The following GNG12 variants were observed in gnomAD, a reference collection of about 807,000 sequenced individuals.
The protein encoded by GNG12 is G protein subunit gamma 12.
For missense variants in GNG12, 69 were observed against 83.8 expected, an observed-to-expected ratio of 0.82 and a Z score of 0.69; for synonymous variants, 28 against 29.7, an observed-to-expected ratio of 0.94 and a Z score of 0.19.
At chr1:67,771,468 C>A (rs528674507) in intron 2 of GNG12, among the ~76,000 whole-genome samples, 1 of 152,346 alleles carries the variant, frequency 6.6e-6, no homozygotes, top group South Asian at 2.1e-4. Context: ...CTTGTATTGT[C>A]CCGGATGAGT....
intron 1 of GNG12, among the ~76,000 whole-genome samples, chr1:67,807,411 C>A (rs1171824346): frequency 6.9e-6 from 1 of 145,878 alleles, no homozygotes; most frequent in Non-Finnish European, 1.5e-5. Context: ...TAAGCATGGG[C>A]AAAGATTAAT....
At chr1:67,816,279 C>A (rs181343334) in intron 1 of GNG12, among the ~76,000 whole-genome samples, 2 of 152,116 alleles carry the variant, frequency 1.3e-5, no homozygotes, top group East Asian at 3.9e-4. Flanking sequence ...TACAGCCGAC[C>A]GTAGTAACTG....
chr1:67,811,441 C>A (rs1646925364), intron 1 of GNG12, among the ~76,000 whole-genome samples: 1 of 152,140 alleles, frequency 6.6e-6, no homozygotes, highest in African/African-American at 2.4e-5. Flanking sequence ...ACCATAATTA[C>A]AAGGCAAACC....
intron 1 of GNG12, among the ~76,000 whole-genome samples, chr1:67,781,734 G>T (rs544110969): frequency 1.3e-5 from 2 of 152,242 alleles, no homozygotes; most frequent in Admixed American, 1.3e-4. Context: ...TTCAGTATAG[G>T]TTCTGGAGGT....
intron 2 of GNG12, among the ~76,000 whole-genome samples, chr1:67,711,450 G>C (rs1037181308): frequency 6.6e-6 from 1 of 151,926 alleles, no homozygotes; most frequent in African/African-American, 2.4e-5. Flanking sequence ...GGGTTTCTCG[G>C]GGGGGTGGTG....
At chr1:67,733,632 G>T (rs773380737) in intron 2 of GNG12, among the ~76,000 whole-genome samples, 1 of 152,022 alleles carries the variant, frequency 6.6e-6, no homozygotes, top group Non-Finnish European at 1.5e-5. Context: ...AACCAAAAAG[G>T]GCAACATGAA....
chr1:67,758,742 C>T (rs955559086), intron 2 of GNG12, among the ~76,000 whole-genome samples: 15 of 152,128 alleles, frequency 9.9e-5, no homozygotes, highest in Admixed American at 2.6e-4. Flanking sequence ...CCTGTGGAAG[C>T]GTGTCTTAAA....
intron 2 of GNG12, 93 bp from the exon 3 acceptor site, chr1:67,707,805 G>A: frequency 1.6e-6 from 1 of 640,892 alleles, no homozygotes; most frequent in East Asian, 3.0e-5. Context: ...GAAATAGATG[G>A]ATTTTCCTAG....
chr1:67,775,217 G>T (rs968140775), intron 2 of GNG12, among the ~76,000 whole-genome samples: 1 of 152,160 alleles, frequency 6.6e-6, no homozygotes, highest in African/African-American at 2.4e-5. Context: ...CAATTGTCTA[G>T]TTAAACATTC....
intron 2 of GNG12, among the ~76,000 whole-genome samples, chr1:67,747,120 T>TTTTG (rs1339837907): frequency 2.0e-5 from 3 of 152,130 alleles, no homozygotes; most frequent in Non-Finnish European, 4.4e-5. Context: ...TAAAGAATCT[T>TTTTG]TTTGTTTGTT....
At chr1:67,787,243 G>A (rs934600261) in intron 1 of GNG12, among the ~76,000 whole-genome samples, 1 of 151,892 alleles carries the variant, frequency 6.6e-6, no homozygotes, top group African/African-American at 2.4e-5. Flanking sequence ...GAAGCAGTGT[G>A]GAAGCTAAAC....
rs1166339256 is a variant in GNG12, at chr1:67,810,761, G to GAGAAA, written c.-77+22582_-77+22583insTTTCT. Among the ~76,000 whole-genome samples the GAGAAA allele has an allele frequency of 1.3e-4, 20 of 152,226 alleles. 1 individual carries two copies. The Middle Eastern group carries it at 0.014, about 104-fold the overall frequency. ...GGCATTTTGGATATGGAAGGGATCT[G>GAGAAA]GCCTTACCCAGACCTGGTTCTAACT... On this transcript the variant is annotated intron_variant, in intron 1 of 3. Transcript: ENST00000370982.
chr1:67,801,317 C>A (rs563880546), intron 1 of GNG12, among the ~76,000 whole-genome samples: 1 of 152,122 alleles, frequency 6.6e-6, no homozygotes, highest in Non-Finnish European at 1.5e-5. Flanking sequence ...GGAAAGCACA[C>A]AATAAATATT....
intron 2 of GNG12, among the ~76,000 whole-genome samples, chr1:67,734,012 A>G (rs1471662887): frequency 6.6e-6 from 1 of 152,178 alleles, no homozygotes; most frequent in Non-Finnish European, 1.5e-5. Flanking sequence ...AACGGTTTGC[A>G]CAGGCAGCTG....
At chr1:67,814,588 A>G (rs1401747623) in intron 1 of GNG12, among the ~76,000 whole-genome samples, 1 of 152,228 alleles carries the variant, frequency 6.6e-6, no homozygotes, top group East Asian at 1.9e-4. Flanking sequence ...ACCTGCCAGG[A>G]AACAGTTCCA....
chr1:67,722,637 T>C (rs148503213), intron 2 of GNG12, among the ~76,000 whole-genome samples: 22 of 152,126 alleles, frequency 1.4e-4, no homozygotes, highest in African/African-American at 5.3e-4. Context: ...TTCAAAACAG[T>C]TACTGAGGGG....
chr1:67,761,095 C>T (rs1646600540), intron 2 of GNG12, among the ~76,000 whole-genome samples: 1 of 152,206 alleles, frequency 6.6e-6, no homozygotes, highest in Admixed American at 6.5e-5. Context: ...CTTTCCAGAT[C>T]AGTTTCCCTT....
intron 2 of GNG12, among the ~76,000 whole-genome samples, chr1:67,776,053 G>A (rs2100761458): frequency 6.6e-6 from 1 of 152,242 alleles, no homozygotes; most frequent in Middle Eastern, 3.4e-3. Context: ...TGGTTTTTGA[G>A]GAGTAACGTC....
chr1:67,746,242 C>A lies in GNG12; in HGVS notation c.-27+31216G>T, dbSNP rs576279725. On this transcript the variant is annotated intron_variant, in intron 2 of 3. Coordinates refer to ENST00000370982, the MANE Select transcript of GNG12 (RefSeq NM_018841.6). ...CAACTGGGATAATTAAAGGCCAGAG[C>A]CTTCTTTTTTAATTGACTCTCCAAT... 7.9e-5 allele frequency among the ~76,000 whole-genome samples: 12 copies of A among 152,236 alleles called. No homozygotes were observed. In the South Asian group the frequency reaches 1.7e-3, roughly 21 times the overall value.
Sources: allele counts gnomAD v4.1 joint callset (sites outside exome capture counted in the v4.1 genomes callset), GRCh38; gene constraint gnomAD v4.1.1; transcripts MANE v1.5; gene names NCBI Gene and HGNC (gene_info 2026-07-23, HGNC 2026-07-21).